The following UNC5D variants were observed in gnomAD, a reference collection of about 807,000 sequenced individuals.
UNC5D encodes the protein unc-5 netrin receptor D, also known as netrin receptor UNC5D.
In UNC5D, 39 loss-of-function variants were observed where a neutral mutation model predicts 105.4. The observed-to-expected ratio is 0.37, with a 90% CI of 0.29 to 0.48. The LOEUF (loss-of-function observed/expected upper bound fraction) is 0.48, where lower values mean the gene tolerates loss of function less well. Among genes scored for constraint, UNC5D ranks in the 20% least tolerant of loss-of-function variants. The probability of loss-of-function intolerance (pLI) is 0.98; values close to 1 mark genes in which losing one functional copy is unlikely to be tolerated. For synonymous variants in UNC5D, 452 were observed against 450.4 expected (o/e 1.00, Z -0.04); for missense variants, 991 against 1,202.4 (o/e 0.82, Z 2.60).
Position 35,580,334 on chromosome 8 carries a change from A to G in UNC5D, c.466+12093A>G, listed in dbSNP as rs147489229. On this transcript the variant is annotated intron_variant, in intron 3 of 16. Transcript: ENST00000404895. Reference sequence around the variant, plus strand: ...GTAGGTGGTAGTTAGGTGAGTAGACATCTGTCAGGAAGATAGAAGGAGCAG... The same window carrying G: ...GTAGGTGGTAGTTAGGTGAGTAGACGTCTGTCAGGAAGATAGAAGGAGCAG... Among the ~76,000 whole-genome samples, 255 of 152,276 alleles carry G rather than the reference A, an allele frequency of 1.7e-3. 2 individuals are homozygous for G. The highest frequency in any genetic ancestry group is 5.7e-3 in the African/African-American group (237 of 41,566).
At chr8:35,387,501 C>T (rs1803487200) in intron 1 of UNC5D, among the ~76,000 whole-genome samples, 1 of 152,122 alleles carries the variant, frequency 6.6e-6, no homozygotes, top group African/African-American at 2.4e-5. Context: ...TCTTCACTTG[C>T]TCAAAATGCT....
At chr8:35,512,098 C>G (rs1419712437) in intron 1 of UNC5D, among the ~76,000 whole-genome samples, 2 of 152,016 alleles carry the variant, frequency 1.3e-5, no homozygotes, top group Non-Finnish European at 2.9e-5. Flanking sequence ...GAATACACCC[C>G]CAATCAAAAC....
In UNC5D at chr8:35,739,441, C is replaced by T. The variant is rs111258681; in HGVS notation, c.1766+8345C>T. On this transcript the variant is annotated intron_variant, in intron 11 of 16. Coordinates refer to ENST00000404895, the MANE Select transcript of UNC5D (RefSeq NM_080872.4). ...TGTTCCTCTCCACCTCAAACCCCCTCAGTCCACAAGTAAACACAAGTAAAT... is the reference window on the plus strand; with the variant it reads ...TGTTCCTCTCCACCTCAAACCCCCTTAGTCCACAAGTAAACACAAGTAAAT... 1.2e-3 allele frequency among the ~76,000 whole-genome samples: 186 copies of T among 152,266 alleles called. 1 individual carries two copies. The highest frequency in any genetic ancestry group is 4.3e-3 in the African/African-American group (177 of 41,566).
At chr8:35,416,532 T>G (rs1805544885) in intron 1 of UNC5D, among the ~76,000 whole-genome samples, 2 of 152,186 alleles carry the variant, frequency 1.3e-5, no homozygotes, top group Admixed American at 1.3e-4. Flanking sequence ...TTACAAGAGA[T>G]AAATTTGAGA....
At chr8:35,779,239 C>A (rs1007005439) in intron 16 of UNC5D, among the ~76,000 whole-genome samples, 1 of 152,114 alleles carries the variant, frequency 6.6e-6, no homozygotes, top group Non-Finnish European at 1.5e-5. Flanking sequence ...TGGTGGGGAG[C>A]AATGCAGAGG....
chr8:35,661,616 C>G, intron 4 of UNC5D, among the ~76,000 whole-genome samples: 1 of 152,134 alleles, frequency 6.6e-6, no homozygotes, highest in Non-Finnish European at 1.5e-5. Context: ...ATTCTAGAAC[C>G]AACCCCCTGC....
intron 1 of UNC5D, among the ~76,000 whole-genome samples, chr8:35,413,261 G>T (rs1229827558): frequency 5.2e-5 from 1 of 19,356 alleles, no homozygotes; most frequent in African/African-American, 1.1e-4. Flanking sequence ...GCGGGTCTGT[G>T]TGTGTGTGTG....
At chr8:35,590,827 C>T (rs528664115) in intron 3 of UNC5D, among the ~76,000 whole-genome samples, 6 of 152,180 alleles carry the variant, frequency 3.9e-5, no homozygotes, top group African/African-American at 9.6e-5. Flanking sequence ...ACACAAGCTG[C>T]GGTCCCCACC....
chr8:35,639,034 G>A lies in UNC5D; in HGVS notation c.570+43377G>A, dbSNP rs187446803. Among the ~76,000 whole-genome samples, 3 of 152,268 alleles carry A rather than the reference G, an allele frequency of 2.0e-5. No individual in the cohort carries two copies. In the East Asian group the frequency reaches 5.8e-4, roughly 29 times the overall value. ...AAGATGCTACAGATACCATAGTTAA[G>A]TATATCTTTCCCACACTGAATTGTG... On this transcript the variant is annotated intron_variant, in intron 4 of 16. Coordinates refer to ENST00000404895, the MANE Select transcript of UNC5D (RefSeq NM_080872.4).
chr8:35,561,225 T>G (rs1816935857), intron 2 of UNC5D, among the ~76,000 whole-genome samples: 1 of 152,140 alleles, frequency 6.6e-6, no homozygotes, highest in Non-Finnish European at 1.5e-5. Flanking sequence ...ACTGTTCCCC[T>G]GCCCTAACCC....
rs77787970 is a variant in UNC5D, at chr8:35,587,957, A to G, written c.467-7597A>G. Among the ~76,000 whole-genome samples the G allele has an allele frequency of 8.8e-3, 692 of 78,200 alleles. 9 individuals carry two copies. The highest frequency in any genetic ancestry group is 0.019 in the Middle Eastern group (3 of 156). The allele number at this position is 78,200 out of a possible 152,430, so 51.3% of individuals were successfully genotyped here. The stretch of plus-strand genomic sequence containing the variant: ...ATTTCTTTTTAGGGTTTTTCCTATA[A>G]CTATAATAATATATATATATATATA... On this transcript the variant is annotated intron_variant, in intron 3 of 16. Coordinates refer to ENST00000404895, the MANE Select transcript of UNC5D (RefSeq NM_080872.4).
At chr8:35,448,596 T>C (rs1368632200) in intron 1 of UNC5D, among the ~76,000 whole-genome samples, 2 of 152,132 alleles carry the variant, frequency 1.3e-5, no homozygotes, top group Non-Finnish European at 2.9e-5. Flanking sequence ...CAGGAATCAG[T>C]GATTTAAACC....
chr8:35,375,997 C>T (rs1585699650), intron 1 of UNC5D, among the ~76,000 whole-genome samples: 1 of 152,238 alleles, frequency 6.6e-6, no homozygotes, highest in East Asian at 1.9e-4. Flanking sequence ...TTGATTTGGT[C>T]AAACTGCAAT....
At chr8:35,633,357 C>T (rs995006529) in intron 4 of UNC5D, among the ~76,000 whole-genome samples, 1 of 152,186 alleles carries the variant, frequency 6.6e-6, no homozygotes, top group Non-Finnish European at 1.5e-5. Context: ...CTTTTCTAAA[C>T]CACAGCCAAT....
intron 1 of UNC5D, among the ~76,000 whole-genome samples, chr8:35,329,827 G>T (rs1432842744): frequency 6.6e-6 from 1 of 151,916 alleles, no homozygotes; most frequent in Non-Finnish European, 1.5e-5. Flanking sequence ...ATTATTTGTT[G>T]TTTCTCTGCT....
chr8:35,767,604 T>C (rs1801829541), intron 15 of UNC5D, among the ~76,000 whole-genome samples: 1 of 152,090 alleles, frequency 6.6e-6, no homozygotes, highest in Admixed American at 6.6e-5. Flanking sequence ...ATTACTCCCT[T>C]CCAATACAAT....
intron 4 of UNC5D, among the ~76,000 whole-genome samples, chr8:35,672,400 G>T (rs568210702): frequency 7.9e-5 from 12 of 152,204 alleles, no homozygotes; most frequent in African/African-American, 2.9e-4. Flanking sequence ...AGAGAGGTCT[G>T]CCCAGCCAAA....
At chr8:35,315,385 C>T (rs1195717358) in intron 1 of UNC5D, among the ~76,000 whole-genome samples, 4 of 152,116 alleles carry the variant, frequency 2.6e-5, no homozygotes, top group Admixed American at 2.6e-4. Flanking sequence ...GGGATGGCCT[C>T]ATTCACATGT....
At chr8:35,702,812 T>C (rs968803652) in intron 7 of UNC5D, among the ~76,000 whole-genome samples, 3 of 152,136 alleles carry the variant, frequency 2.0e-5, no homozygotes, top group African/African-American at 4.8e-5. Flanking sequence ...GCCAGGGGAC[T>C]AAAACCCTCT....
Sources: allele counts gnomAD v4.1 joint callset (sites outside exome capture counted in the v4.1 genomes callset), GRCh38; gene constraint gnomAD v4.1.1; transcripts MANE v1.5; gene names NCBI Gene and HGNC (gene_info 2026-07-23, HGNC 2026-07-21).